The following ZNF469 variants were observed in gnomAD, a reference collection of about 807,000 sequenced individuals.
ZNF469 encodes zinc finger protein 469.
ZNF469 carries 1 observed loss-of-function variant against 1.0 expected under a neutral mutation model. The observed-to-expected ratio is 1.00, with a 90% confidence interval of 0.35 to 4.73. ZNF469 has a LOEUF of 4.73. Ranked by LOEUF, ZNF469 falls within the 30% of genes most tolerant of loss-of-function variation. The probability of loss-of-function intolerance (pLI) is 0.16; values close to 1 mark genes in which losing one functional copy is unlikely to be tolerated. For synonymous variants in ZNF469, 2,703 were observed against 2,363.4 expected (o/e 1.14, Z -4.17); for missense variants, 6,100 against 5,356.3 (o/e 1.14, Z -4.33).
At chr16:88,391,298 G>C (rs529337127) in intron 1 of ZNF469, among the ~76,000 whole-genome samples, 2 of 152,236 alleles carry the variant, frequency 1.3e-5, no homozygotes, top group African/African-American at 2.4e-5. Context: ...CACAGGGCTG[G>C]GATTCAAAGC....
chr16:88,208,006 C>G, the ZNF469 span, among the ~76,000 whole-genome samples: 1 of 152,278 alleles, frequency 6.6e-6, no homozygotes, highest in South Asian at 2.1e-4. Flanking sequence ...GTATAAATGT[C>G]CTGTACTTTG....
intron 1 of ZNF469, among the ~76,000 whole-genome samples, chr16:88,398,614 C>A (rs1384619562): frequency 2.1e-5 from 3 of 142,516 alleles, no homozygotes; most frequent in Non-Finnish European, 4.5e-5. Flanking sequence ...GCATGTGAGC[C>A]ATGGATGAAG....
rs1906299326 is a variant in ZNF469 at position 88,432,874 on chromosome 16, C to T, written c.5404C>T (p.His1802Tyr). 6.5e-7 allele frequency: 1 copy of T among 1,550,324 alleles called. No homozygotes were observed. The highest frequency in any genetic ancestry group is 1.2e-5 in the South Asian group (1 of 84,062). ...AGAAGCTTTTGGCAGCCCTGCTGTCCATCTGGCCCCTGACTTGGCATTTCA... is the reference window on the plus strand; with the variant it reads ...AGAAGCTTTTGGCAGCCCTGCTGTCTATCTGGCCCCTGACTTGGCATTTCA... ...APEAFGSPAV[H>Y]LAPDLAFQGD... The change falls in exon 3 of 3, where the codon CAT becomes TAT. Residue 1802 changes from histidine (H) to tyrosine (Y), a missense_variant. Transcript: ENST00000565624.
intron 1 of ZNF469, among the ~76,000 whole-genome samples, chr16:88,415,301 G>A (rs1303823542): frequency 1.3e-5 from 2 of 152,078 alleles, no homozygotes; most frequent in Non-Finnish European, 2.9e-5. Context: ...ACAGCCTGCC[G>A]CCCAGGGCCT....
the ZNF469 span, among the ~76,000 whole-genome samples, chr16:88,345,512 G>A: frequency 3.3e-5 from 5 of 152,168 alleles, no homozygotes; most frequent in African/African-American, 9.7e-5. Flanking sequence ...GGGCCCCTCT[G>A]TGGTCACTCA....
the ZNF469 span, among the ~76,000 whole-genome samples, chr16:88,220,696 A>G: frequency 6.6e-6 from 1 of 152,122 alleles, no homozygotes; most frequent in Admixed American, 6.5e-5. Flanking sequence ...CACTTTAAGT[A>G]GCAGAGCCCA....
At chr16:88,190,165 G>A in the ZNF469 span, among the ~76,000 whole-genome samples, 1 of 152,178 alleles carries the variant, frequency 6.6e-6, no homozygotes, top group Non-Finnish European at 1.5e-5. Context: ...GGCTACACGA[G>A]GCCAAAACCT....
In ZNF469 at chr16:88,432,265, C is replaced by G. The variant is rs1291869529; in HGVS notation, c.4795C>G (p.Leu1599Val). 6.5e-7 allele frequency: 1 copy of G among 1,547,730 alleles called. No homozygotes were observed. Among genetic ancestry groups the G allele is most frequent in the Admixed American group, 2.0e-5 (1 of 51,004 alleles). ...AEAESVGRVE[L>V]GTGTEPPSQR... The stretch of plus-strand genomic sequence containing the variant: ...AGCTGAGTCGGTGGGCAGGGTGGAG[C>G]TCGGCACAGGCACAGAGCCACCCTC... Residue 1599 changes from leucine to valine, a missense_variant, in exon 3 of 3, where the codon CTC becomes GTC. Physicochemically the swap from Leu to Val is conservative, Grantham distance 32. Coordinates refer to ENST00000565624, the MANE Select transcript of ZNF469 (RefSeq NM_001367624.2).
intron 1 of ZNF469, among the ~76,000 whole-genome samples, chr16:88,384,117 G>C (rs1260598991): frequency 2.6e-5 from 4 of 152,278 alleles, no homozygotes. Context: ...AGCCATGCTG[G>C]GCATAGGGAG....
intron 1 of ZNF469, among the ~76,000 whole-genome samples, chr16:88,401,727 ATGGGTGG>A (rs1904874478): frequency 7.3e-6 from 1 of 137,418 alleles, no homozygotes; most frequent in Non-Finnish European, 1.6e-5. Flanking sequence ...GGATGGGTGG[ATGGGTGG>A]ATGGATGGGT....
chr16:88,203,647 T>G, the ZNF469 span, among the ~76,000 whole-genome samples: 136 of 152,304 alleles, frequency 8.9e-4, no homozygotes, highest in African/African-American at 3.2e-3. Flanking sequence ...CAGCTCCTGG[T>G]GGCTCCAGGC....
chr16:88,387,516 C>T (rs984013695), intron 1 of ZNF469, among the ~76,000 whole-genome samples: 7 of 152,284 alleles, frequency 4.6e-5, no homozygotes, highest in Non-Finnish European at 7.4e-5. Context: ...GTGAGACCAG[C>T]GACAACGCTG....
Position 88,431,703 on chromosome 16 carries a change from C to A in ZNF469, c.4233C>A (p.Ser1411Arg). The change falls in exon 3 of 3, where the codon AGC (serine) becomes AGA (arginine). Residue 1411 changes from serine to arginine, a missense_variant. By Grantham distance (110) the Ser-to-Arg change is moderately radical. Transcript: ENST00000565624. Reference sequence around the variant, plus strand: ...CAGCCAGGGATGCCCCGCCGGCCAGCAGCTCCTGCCTTTGCCAGGACGGCG... The same window carrying A: ...CAGCCAGGGATGCCCCGCCGGCCAGAAGCTCCTGCCTTTGCCAGGACGGCG... ...KPSARDAPPA[S>R]SSCLCQDGED... is the part of the protein sequence containing the mutation. The A allele has an allele frequency of 6.4e-7, 1 of 1,550,414 alleles. No homozygotes were observed. Among genetic ancestry groups the A allele is most frequent in the Non-Finnish European group, 8.7e-7 (1 of 1,146,984 alleles).
At chr16:88,251,210 G>C in the ZNF469 span, among the ~76,000 whole-genome samples, 52,632 of 151,816 alleles carry the variant, frequency 0.35, 9,606 homozygotes, top group Middle Eastern at 0.46. Flanking sequence ...TTTCCTTCAG[G>C]TCTCTGAACA....
the ZNF469 span, among the ~76,000 whole-genome samples, chr16:88,256,744 C>T: frequency 5.9e-5 from 9 of 152,212 alleles, no homozygotes; most frequent in African/African-American, 1.9e-4. Context: ...TGGGTTTTAG[C>T]CACGCTGTTA....
chr16:88,110,839 C>T, the ZNF469 span, among the ~76,000 whole-genome samples: 1 of 152,242 alleles, frequency 6.6e-6, no homozygotes, highest in South Asian at 2.1e-4. Flanking sequence ...GCAGGTGCAG[C>T]TCAGCCGGGT....
chr16:88,115,867 G>A, the ZNF469 span, among the ~76,000 whole-genome samples: 333 of 152,310 alleles, frequency 2.2e-3, 2 homozygotes, highest in African/African-American at 7.7e-3. Flanking sequence ...CTGGGCTTGT[G>A]GCCACATTGC....
the ZNF469 span, among the ~76,000 whole-genome samples, chr16:88,362,272 G>C: frequency 6.6e-6 from 1 of 152,114 alleles, no homozygotes; most frequent in African/African-American, 2.4e-5. Context: ...TTTTTGCATA[G>C]AATGTCAAAA....
At chr16:88,369,756 G>T in the ZNF469 span, among the ~76,000 whole-genome samples, 1 of 152,180 alleles carries the variant, frequency 6.6e-6, no homozygotes, top group African/African-American at 2.4e-5. Context: ...GGAATAACGA[G>T]GGGCCACGGT....
Sources: gnomAD v4.1 joint callset for allele counts (sites outside exome capture counted in the v4.1 genomes callset) on GRCh38, gnomAD v4.1.1 for gene constraint, MANE v1.5 for transcripts, NCBI Gene and HGNC (gene_info 2026-07-23, HGNC 2026-07-21) for gene names.